The following CDH4 variants were observed in gnomAD, a reference collection of about 807,000 sequenced individuals.
The protein encoded by CDH4 is cadherin-4.
In CDH4, 33 loss-of-function variants were observed where a neutral mutation model predicts 86.0. The ratio of observed to expected loss-of-function variants is 0.38; its 90% confidence interval spans 0.29 to 0.51. The LOEUF (loss-of-function observed/expected upper bound fraction) is 0.51, where lower values mean the gene tolerates loss of function less well. CDH4 is among the 20% of genes least tolerant of loss of function. CDH4 has a pLI of 0.86. For missense variants in CDH4, 1,114 were observed against 1,307.4 expected (o/e 0.85, Z 2.28); for synonymous variants, 555 against 549.4 (o/e 1.01, Z -0.14).
chr20:61,280,388 C>T (rs1302841716), intron 2 of CDH4, among the ~76,000 whole-genome samples: 2 of 152,198 alleles, frequency 1.3e-5, no homozygotes, highest in Non-Finnish European at 2.9e-5. Context: ...CCTCCCAAGG[C>T]GGGGGCGTGT....
intron 2 of CDH4, among the ~76,000 whole-genome samples, chr20:61,348,304 A>C (rs1427024774): frequency 6.6e-6 from 1 of 152,186 alleles, no homozygotes; most frequent in South Asian, 2.1e-4. Flanking sequence ...AAATCATCAG[A>C]TCCCATGAGA....
Position 61,392,106 on chromosome 20 carries a change from T to C in CDH4, c.169+137169T>C, listed in dbSNP as rs1175686937. ...GCTGTGGAGAAAGGCCTAGAGAGCT[T>C]TGCAGGACCAAGTGGTGGTCGGGCA... On this transcript the variant is annotated intron_variant, in intron 2 of 15. Coordinates refer to ENST00000614565, the MANE Select transcript of CDH4 (RefSeq NM_001794.5). This position sits in a 1 kb window ranked among gnomAD's most constrained non-coding sequence, Gnocchi z 5.7. 6.6e-6 allele frequency among the ~76,000 whole-genome samples: 1 copy of C among 151,884 alleles called. No individual in the cohort carries two copies. Among genetic ancestry groups the C allele is most frequent in the Non-Finnish European group, 1.5e-5 (1 of 67,982 alleles).
chr20:61,345,505 A>G (rs1174919304), intron 2 of CDH4, among the ~76,000 whole-genome samples: 1 of 152,262 alleles, frequency 6.6e-6, no homozygotes, highest in Non-Finnish European at 1.5e-5. Context: ...CCGTGAGGAC[A>G]AGGTAACCAT....
Position 61,754,938 on chromosome 20 carries a change from A to G in CDH4, c.396+11149A>G, listed in dbSNP as rs2088543669. ...GCCTGTATTAGTCCGTTTTCACACT[A>G]CTGATAAAGACATACTCGAGACTGG... On this transcript the variant is annotated intron_variant, in intron 3 of 15. Transcript: ENST00000614565. This position sits in a 1 kb window ranked among gnomAD's most constrained non-coding sequence, Gnocchi z 4.7. 6.6e-6 allele frequency: 1 copy of G among 152,240 alleles called. No individual in the cohort carries two copies. Among genetic ancestry groups the G allele is most frequent in the African/African-American group, 2.4e-5 (1 of 41,328 alleles). The allele number at this position is 152,240 out of a possible 1,614,324, so 9.4% of individuals were successfully genotyped here.
intron 2 of CDH4, among the ~76,000 whole-genome samples, chr20:61,337,618 T>C (rs1389807843): frequency 6.6e-6 from 1 of 152,122 alleles, no homozygotes; most frequent in Non-Finnish European, 1.5e-5. Flanking sequence ...TAAAGAGTTT[T>C]GCATGTGTCC....
intron 4 of CDH4, among the ~76,000 whole-genome samples, chr20:61,791,680 A>T (rs1185234234): frequency 1.3e-5 from 2 of 152,134 alleles, no homozygotes; most frequent in Non-Finnish European, 2.9e-5. Flanking sequence ...ATGGGCAGTG[A>T]GGGGCAGGCT....
At chr20:61,477,263 A>G (rs911138497) in intron 2 of CDH4, among the ~76,000 whole-genome samples, 2 of 152,238 alleles carry the variant, frequency 1.3e-5, no homozygotes, top group African/African-American at 4.8e-5. Context: ...GGGCAAATGC[A>G]GTGCAAGGGG....
intron 11 of CDH4, among the ~76,000 whole-genome samples, chr20:61,925,355 C>T (rs1362428676): frequency 6.6e-6 from 1 of 152,200 alleles, no homozygotes; most frequent in Non-Finnish European, 1.5e-5. Context: ...AAGATCAGTC[C>T]AGTACCACCG....
intron 2 of CDH4, among the ~76,000 whole-genome samples, chr20:61,273,353 G>A (rs2084197127): frequency 7.2e-6 from 1 of 138,120 alleles, no homozygotes; most frequent in African/African-American, 2.7e-5. Context: ...TGTGCAGTTT[G>A]GGGGAGTACC....
At chr20:61,551,383 G>C (rs1265743313) in intron 2 of CDH4, among the ~76,000 whole-genome samples, 2 of 152,136 alleles carry the variant, frequency 1.3e-5, no homozygotes, top group Non-Finnish European at 2.9e-5. Context: ...CAAATCACTG[G>C]TGTACTGCTC....
intron 2 of CDH4, among the ~76,000 whole-genome samples, chr20:61,534,648 C>CTTTCTTTTTTTTTTT (rs1568881693): frequency 2.8e-5 from 3 of 108,384 alleles, no homozygotes; most frequent in African/African-American, 1.6e-4. Context: ...TTCTTTCTTT[C>CTTTCTTTTTTTTTTT]TTTTCTTTCT....
At chr20:61,543,770 TC>T (rs2086057043) in intron 2 of CDH4, among the ~76,000 whole-genome samples, 1 of 152,326 alleles carries the variant, frequency 6.6e-6, no homozygotes, top group South Asian at 2.1e-4. Flanking sequence ...TAAATTGGCC[TC>T]CTGCAACGTT....
At chr20:61,596,177 T>C (rs1445120369) in intron 2 of CDH4, among the ~76,000 whole-genome samples, 2 of 152,194 alleles carry the variant, frequency 1.3e-5, no homozygotes, top group Non-Finnish European at 2.9e-5. Flanking sequence ...TTTTGGTCTT[T>C]ACCTGTAAAG....
intron 5 of CDH4, among the ~76,000 whole-genome samples, chr20:61,852,348 A>G (rs749799777): frequency 1.3e-5 from 2 of 152,186 alleles, no homozygotes; most frequent in Admixed American, 6.5e-5. Context: ...CCCCCGCCCA[A>G]TTAGGCACAA....
In CDH4 at chr20:61,928,440, C is replaced by T. The variant is rs2122992374; in HGVS notation, c.2005+17C>T. ...GCCTGAACGGTGAGCCCGCCTTAGGCCACGGGGAGGGTCAGACTAGCCTGG... is the reference window on the plus strand; with the variant it reads ...GCCTGAACGGTGAGCCCGCCTTAGGTCACGGGGAGGGTCAGACTAGCCTGG... On this transcript the variant is annotated intron_variant, in intron 12 of 15. Transcript: ENST00000614565. 1 of 1,607,046 alleles carries T rather than the reference C, an allele frequency of 6.2e-7. No individual in the cohort carries two copies. Among genetic ancestry groups the T allele is most frequent in the South Asian group, 1.1e-5 (1 of 90,994 alleles).
chr20:61,884,587 CT>C (rs764907545), intron 7 of CDH4, among the ~76,000 whole-genome samples: 1 of 152,128 alleles, frequency 6.6e-6, no homozygotes, highest in Non-Finnish European at 1.5e-5. Flanking sequence ...CAGCGAGGGG[CT>C]CCATGCTCAG....
chr20:61,519,365 A>G (rs558955695), intron 2 of CDH4, among the ~76,000 whole-genome samples: 36 of 152,318 alleles, frequency 2.4e-4, no homozygotes, highest in African/African-American at 8.2e-4. Flanking sequence ...CTTTGGTTTT[A>G]TACCCATGGA....
chr20:61,280,828 C>G (rs1474883127), intron 2 of CDH4, among the ~76,000 whole-genome samples: 1 of 149,146 alleles, frequency 6.7e-6, no homozygotes, highest in African/African-American at 2.4e-5. Context: ...TCTTGAGTCC[C>G]TAACAGCTCT....
intron 4 of CDH4, among the ~76,000 whole-genome samples, chr20:61,777,472 C>T (rs74393278): frequency 0.014 from 2,067 of 152,352 alleles, 53 homozygotes; most frequent in African/African-American, 0.045. Context: ...GCATCCAAAC[C>T]GAGCTTAATG....
Sources: allele counts gnomAD v4.1 joint callset (sites outside exome capture counted in the v4.1 genomes callset), GRCh38; gene constraint gnomAD v4.1.1; non-coding constraint Gnocchi (gnomAD v3.1); transcripts MANE v1.5; gene names NCBI Gene and HGNC (gene_info 2026-07-23, HGNC 2026-07-21).